RALGPS2: variants seen among roughly 807,000 people sequenced by gnomAD.
The protein encoded by RALGPS2 is Ral GEF with PH domain and SH3 binding motif 2, also known as ras-specific guanine nucleotide-releasing factor RalGPS2.
In RALGPS2, 43 loss-of-function variants were observed where a neutral mutation model predicts 86.8. The observed-to-expected ratio is 0.50, with a 90% CI of 0.39 to 0.64. The LOEUF (loss-of-function observed/expected upper bound fraction) is 0.64. Among genes scored for constraint, RALGPS2 ranks in the 30% least tolerant of loss-of-function variants. The pLI is 0.00. For synonymous variants in RALGPS2, 243 were observed against 231.3 expected (o/e 1.05, Z -0.46); for missense variants, 536 against 694.6 (o/e 0.77, Z 2.57).
chr1:178,731,786 T>C (rs1650379956), intron 1 of RALGPS2, among the ~76,000 whole-genome samples: 1 of 152,162 alleles, frequency 6.6e-6, no homozygotes, highest in Non-Finnish European at 1.5e-5. Flanking sequence ...CATGATTATA[T>C]GGAGAGGAGA....
chr1:178,759,236 T>C (rs1652108580), intron 1 of RALGPS2, among the ~76,000 whole-genome samples: 2 of 152,216 alleles, frequency 1.3e-5, no homozygotes, highest in Admixed American at 1.3e-4. Context: ...CCATTTTGGT[T>C]TGATTTTTGT....
intron 4 of RALGPS2, among the ~76,000 whole-genome samples, chr1:178,795,321 A>G (rs1572340192): frequency 6.6e-6 from 1 of 152,220 alleles, no homozygotes; most frequent in Non-Finnish European, 1.5e-5. Context: ...TGGGATCACT[A>G]GGATTTACTA....
chr1:178,730,835 G>A (rs1650304348), intron 1 of RALGPS2, among the ~76,000 whole-genome samples: 1 of 151,930 alleles, frequency 6.6e-6, no homozygotes, highest in Non-Finnish European at 1.5e-5. Flanking sequence ...CCAAGTAGCT[G>A]GGATTACAGG....
At chr1:178,746,224 A>C (rs1651322689) in intron 1 of RALGPS2, among the ~76,000 whole-genome samples, 1 of 152,228 alleles carries the variant, frequency 6.6e-6, no homozygotes. Flanking sequence ...AATATATACT[A>C]ATGAACTCTC....
chr1:178,911,635 G>T (rs899732269), intron 19 of RALGPS2, among the ~76,000 whole-genome samples: 2 of 152,210 alleles, frequency 1.3e-5, no homozygotes, highest in African/African-American at 4.8e-5. Context: ...GCCCAAGCAT[G>T]TGGTTGATCT....
chr1:178,908,110 T>C (rs1034721599), intron 19 of RALGPS2, among the ~76,000 whole-genome samples: 13 of 152,072 alleles, frequency 8.5e-5, no homozygotes, highest in Admixed American at 3.3e-4. Flanking sequence ...CTGGTAATGC[T>C]CAGTGTCGAT....
At chr1:178,904,745 T>G (rs904476349) in intron 18 of RALGPS2, among the ~76,000 whole-genome samples, 1 of 152,350 alleles carries the variant, frequency 6.6e-6, no homozygotes, top group South Asian at 2.1e-4. Flanking sequence ...TTTTGGTGAC[T>G]GTGGCCTTAC....
Position 178,853,826 on chromosome 1 carries a change from A to G in RALGPS2, c.607+20276A>G, listed in dbSNP as rs1189287533. 22 of 1,475,580 alleles carry G rather than the reference A, an allele frequency of 1.5e-5. 1 individual carries two copies. The highest frequency in any genetic ancestry group is 1.9e-5 in the Non-Finnish European group (21 of 1,108,446). The allele number at this position is 1,475,580 out of a possible 1,614,324, so 91.4% of individuals were successfully genotyped here. Reference sequence around the variant, plus strand: ...ATCATTTATTATCAGCAAACTTAATATGAGAAGAGACATGTTAAAAGTTTT... The same window carrying G: ...ATCATTTATTATCAGCAAACTTAATGTGAGAAGAGACATGTTAAAAGTTTT... On this transcript the variant is annotated intron_variant, in intron 8 of 19. Transcript: ENST00000367635.
chr1:178,844,534 A>G (rs1215349241), intron 8 of RALGPS2, among the ~76,000 whole-genome samples: 2 of 152,214 alleles, frequency 1.3e-5, no homozygotes, highest in African/African-American at 2.4e-5. Context: ...CATTCAAGGT[A>G]AAAATTAGTC....
At chr1:178,881,695 C>T (rs1659253232) in intron 10 of RALGPS2, among the ~76,000 whole-genome samples, 1 of 152,140 alleles carries the variant, frequency 6.6e-6, no homozygotes, top group African/African-American at 2.4e-5. Context: ...AGATGATTCA[C>T]CAGCTTTGGC....
chr1:178,914,041 G>C (rs1230003243), intron 19 of RALGPS2, among the ~76,000 whole-genome samples: 1 of 152,162 alleles, frequency 6.6e-6, no homozygotes, highest in African/African-American at 2.4e-5. Flanking sequence ...CTGTGTGCCT[G>C]CTCCCATGGG....
In RALGPS2 at chr1:178,822,828, G is replaced by A. The variant is rs1237448061; in HGVS notation, c.480+1124G>A. ...AAAGTTTTAGGGAAAAGAATTATACGCTGTGAAAAAAAAATTCTATTTTTA... is the reference window on the plus strand; with the variant it reads ...AAAGTTTTAGGGAAAAGAATTATACACTGTGAAAAAAAAATTCTATTTTTA... On this transcript the variant is annotated intron_variant, in intron 7 of 19. Transcript: ENST00000367635. Among the ~76,000 whole-genome samples, 8 of 151,778 alleles carry A rather than the reference G, an allele frequency of 5.3e-5. No individual in the cohort carries two copies. In the East Asian group the frequency reaches 7.7e-4, roughly 15 times the overall value.
rs758909193 is a variant in RALGPS2 at position 178,808,127 on chromosome 1, A to G, written c.296A>G (p.His99Arg). 5.7e-6 allele frequency: 9 copies of G among 1,586,078 alleles called. No homozygotes were observed. The highest frequency in any genetic ancestry group is 7.8e-6 in the Non-Finnish European group (9 of 1,155,896). The change falls in exon 5 of 20, where the codon CAT (histidine) becomes CGT (arginine). Residue 99 changes from histidine to arginine, a missense_variant and splice_region_variant. Physicochemically the swap from His to Arg is conservative, Grantham distance 29 (BLOSUM62 0). Around this residue, in one of 3 missense-constraint regions of RALGPS2, gnomAD observed 184 missense variants for 296.7 expected, o/e 0.62. Coordinates refer to ENST00000367635, the MANE Select transcript of RALGPS2 (RefSeq NM_152663.5). ...NAVAFTRRFN[H>R]VSFWVVREIL... The stretch of plus-strand genomic sequence containing the variant: ...GTTGCCTTCACAAGAAGATTCAATC[A>G]TGTGAGTTTATAAATTTTGATACTG...
intron 8 of RALGPS2, among the ~76,000 whole-genome samples, chr1:178,835,697 T>C (rs943322860): frequency 2.0e-5 from 3 of 152,138 alleles, no homozygotes; most frequent in African/African-American, 7.2e-5. Flanking sequence ...CCAGCTGTAG[T>C]GATGTCTTCT....
At chr1:178,732,732 GT>G (rs74263842) in intron 1 of RALGPS2, among the ~76,000 whole-genome samples, 5,149 of 141,342 alleles carry the variant, frequency 0.036, 236 homozygotes, top group African/African-American at 0.11. Context: ...AGTTTTCTAA[GT>G]TTTTTTTTTT....
chr1:178,760,566 C>T (rs1320156506), intron 1 of RALGPS2, among the ~76,000 whole-genome samples: 1 of 152,082 alleles, frequency 6.6e-6, no homozygotes, highest in Non-Finnish European at 1.5e-5. Context: ...CTATGGGTGT[C>T]ATTAGATGTG....
intron 6 of RALGPS2, among the ~76,000 whole-genome samples, chr1:178,816,511 G>T (rs77685950): frequency 0.036 from 5,459 of 151,824 alleles, 123 homozygotes; most frequent in African/African-American, 0.055. Flanking sequence ...TTTTTTCCTA[G>T]TCTATGCCTT....
chr1:178,754,454 G>A (rs1217893850), intron 1 of RALGPS2, among the ~76,000 whole-genome samples: 1 of 152,128 alleles, frequency 6.6e-6, no homozygotes, highest in Non-Finnish European at 1.5e-5. Context: ...AAGCCAGCAG[G>A]TTCTAGACCT....
chr1:178,860,307 G>GAGA (rs1250992339), intron 8 of RALGPS2, among the ~76,000 whole-genome samples: 2 of 152,084 alleles, frequency 1.3e-5, no homozygotes. Flanking sequence ...TTTTAAGGTA[G>GAGA]AGAAGAAGGT....
Sources: gnomAD v4.1 joint callset for allele counts (sites outside exome capture counted in the v4.1 genomes callset) on GRCh38, gnomAD v4.1.1 for gene constraint, gnomAD v4.1.1 regional missense constraint, MANE v1.5 for transcripts, NCBI Gene and HGNC (gene_info 2026-07-23, HGNC 2026-07-21) for gene names.